The following TMBIM6 variants were observed in gnomAD, a reference collection of about 807,000 sequenced individuals.
TMBIM6 encodes the protein bax inhibitor 1.
A neutral mutation model predicts 31.4 loss-of-function variants in TMBIM6; 13 were observed. The ratio of observed to expected loss-of-function variants is 0.41; its 90% CI spans 0.27 to 0.66. The LOEUF (loss-of-function observed/expected upper bound fraction) is 0.66. Ranked by LOEUF, TMBIM6 falls within the 30% of genes least tolerant of loss-of-function variation. The probability of loss-of-function intolerance (pLI) is 0.28; values close to 1 mark genes in which losing one functional copy is unlikely to be tolerated. For missense variants in TMBIM6, 275 were observed against 289.5 expected, an observed-to-expected ratio of 0.95 and a Z score of 0.36; for synonymous variants, 85 against 101.7, an observed-to-expected ratio of 0.84 and a Z score of 0.99.
chr12:49,762,826 A>G (rs1945745359), intron 9 of TMBIM6, 47 bp from the exon 10 acceptor site: 2 of 1,590,618 alleles, frequency 1.3e-6, no homozygotes, highest in Non-Finnish European at 1.7e-6. Context: ...TTTAGCTTGA[A>G]TGTCAAATGT....
In TMBIM6 at chr12:49,758,207, C is replaced by T; in HGVS notation, c.287-20C>T. ...CAAGAATTGATCGTAATACTGTGTT[C>T]TGGGTTTTCTGTTTTCTAGGAGTTG... On this transcript the variant is annotated intron_variant, in intron 4 of 9. Transcript: ENST00000267115. The T allele has an allele frequency of 6.2e-7, 1 of 1,614,052 alleles. No homozygotes were observed. The highest frequency in any genetic ancestry group is 8.5e-7 in the Non-Finnish European group (1 of 1,179,972).
chr12:49,742,448 CGGTG>C (rs1945314909), intron 1 of TMBIM6: 1 of 939,670 alleles, frequency 1.1e-6, no homozygotes, highest in Non-Finnish European at 1.5e-6. Flanking sequence ...AATTACTACC[CGGTG>C]CCAGCCCGGG....
intron 8 of TMBIM6, among the ~76,000 whole-genome samples, chr12:49,760,552 T>TC (rs1945697786): frequency 6.7e-6 from 1 of 148,758 alleles, no homozygotes; most frequent in Admixed American, 6.7e-5. Context: ...TTTTTTTTTT[T>TC]TTTTGAGACA....
intron 9 of TMBIM6, 101 bp downstream of exon 9, chr12:49,761,880 TC>T: frequency 8.7e-7 from 1 of 1,152,818 alleles, no homozygotes; most frequent in Non-Finnish European, 1.3e-6. Context: ...CTGTGTTAGG[TC>T]CAGGGTAACT....
At chr12:49,748,660 C>T (rs1945439555) in intron 1 of TMBIM6, among the ~76,000 whole-genome samples, 1 of 152,222 alleles carries the variant, frequency 6.6e-6, no homozygotes, top group South Asian at 2.1e-4. Context: ...TTATGATTAA[C>T]ACCTGAACAT....
intron 8 of TMBIM6, among the ~76,000 whole-genome samples, chr12:49,761,134 C>T (rs1273173273): frequency 6.6e-6 from 1 of 152,046 alleles, no homozygotes; most frequent in Non-Finnish European, 1.5e-5. Flanking sequence ...CTGTGCTCGG[C>T]ACTTTTTTTT....
In TMBIM6 at chr12:49,758,048, C is replaced by A. The variant is rs982418627; in HGVS notation, c.287-179C>A. Among the ~76,000 whole-genome samples the A allele has an allele frequency of 1.4e-4, 21 of 148,802 alleles. 1 individual carries two copies. In the South Asian group the frequency reaches 3.2e-3, roughly 23 times the overall value. ...GCTATTTCTATAAAAAAAAAAAAAA[C>A]AACGCAGTCAGGTATACATTTTATT... On this transcript the variant is annotated intron_variant, in intron 4 of 9. Coordinates refer to ENST00000267115, the MANE Select transcript of TMBIM6 (RefSeq NM_003217.3).
intron 8 of TMBIM6, among the ~76,000 whole-genome samples, 193 bp from the exon 9 acceptor site, chr12:49,761,511 C>G (rs916297760): frequency 6.6e-6 from 1 of 151,582 alleles, no homozygotes; most frequent in African/African-American, 2.4e-5. Context: ...GGCCCAGTCT[C>G]TTTTCTCTAT....
chr12:49,744,906 A>G (rs1945361868), intron 1 of TMBIM6, among the ~76,000 whole-genome samples: 1 of 152,308 alleles, frequency 6.6e-6, no homozygotes, highest in African/African-American at 2.4e-5. Context: ...GTATCTGTCA[A>G]ACGTTATAGA....
chr12:49,763,144 C>G lies in TMBIM6; in HGVS notation c.*248C>G, dbSNP rs375526408. 382 of 386,992 alleles carry G rather than the reference C, an allele frequency of 9.9e-4. 1 individual carries two copies. Among genetic ancestry groups the G allele is most frequent in the African/African-American group, 7.1e-3 (356 of 49,968 alleles). The allele number at this position is 386,992 out of a possible 1,614,324, so 24.0% of individuals were successfully genotyped here. A position where few individuals can be genotyped will look rare whatever the true frequency, so the allele number is the denominator to read the frequency against. Reference sequence around the variant, plus strand: ...TTGTCAACCCCATCTGTAGCCTCTTCCTCTACTCAGGCAGTCGACCCGCCA... The same window carrying G: ...TTGTCAACCCCATCTGTAGCCTCTTGCTCTACTCAGGCAGTCGACCCGCCA... On this transcript the variant is annotated 3_prime_UTR_variant, in exon 10 of 10. Coordinates refer to ENST00000267115, the MANE Select transcript of TMBIM6 (RefSeq NM_003217.3).
chr12:49,745,316 G>T (rs73306891), intron 1 of TMBIM6, among the ~76,000 whole-genome samples: 3,204 of 152,282 alleles, frequency 0.021, 113 homozygotes, highest in African/African-American at 0.073. Flanking sequence ...GTATAAATGT[G>T]CTAGAAGAAA....
intron 7 of TMBIM6, 155 bp from the exon 8 acceptor site, chr12:49,759,066 T>C: frequency 1.5e-6 from 1 of 664,936 alleles, no homozygotes. Flanking sequence ...GGAAGTAAAG[T>C]GGTCTTCACC....
At position 49,744,256 on chromosome 12, in the gene TMBIM6, C is replaced by T. The variant is rs1276528060; in HGVS notation, c.-31+2645C>T. Among the ~76,000 whole-genome samples, 6 of 152,116 alleles carry T rather than the reference C, an allele frequency of 3.9e-5. No individual in the cohort carries two copies. In the East Asian group the frequency reaches 1.2e-3, roughly 29 times the overall value. On this transcript the variant is annotated intron_variant, in intron 1 of 9. Transcript: ENST00000267115. Reference sequence around the variant, plus strand: ...GTACTACTGCTGGCCTGACGAGTTTCATTTTATTTCGTAAACTGCCCAAGG... The same window carrying T: ...GTACTACTGCTGGCCTGACGAGTTTTATTTTATTTCGTAAACTGCCCAAGG...
At chr12:49,744,996 G>A (rs1051021279) in intron 1 of TMBIM6, among the ~76,000 whole-genome samples, 1 of 150,636 alleles carries the variant, frequency 6.6e-6, no homozygotes, top group Admixed American at 6.6e-5. Context: ...CCAGTTACTG[G>A]TTTGGTTTTG....
Position 49,759,299 on chromosome 12 carries a change from C to T in TMBIM6, c.592C>T (p.His198Tyr). Reference sequence around the variant, plus strand: ...TCAACTCATTATTGAAAAGGCCGAACATGGAGATCAAGATTATATCTGGTG... The same window carrying T: ...TCAACTCATTATTGAAAAGGCCGAATATGGAGATCAAGATTATATCTGGTG... Reference protein sequence around the residue: ...DTQLIIEKAEHGDQDYIWHCI... With the variant: ...DTQLIIEKAEYGDQDYIWHCI... The change falls in exon 8 of 10, where the codon CAT (histidine) becomes TAT (tyrosine). Residue 198 changes from histidine to tyrosine, a missense_variant. Physicochemically the swap from His to Tyr is moderately conservative, Grantham distance 83 (BLOSUM62 2). Transcript: ENST00000267115. 1.9e-6 allele frequency: 3 copies of T among 1,613,900 alleles called. No homozygotes were observed. Among genetic ancestry groups the T allele is most frequent in the Non-Finnish European group, 2.5e-6 (3 of 1,179,848 alleles).
chr12:49,758,507 TG>T (rs746431865), intron 6 of TMBIM6, 27 bp downstream of exon 6: 1 of 1,610,016 alleles, frequency 6.2e-7, no homozygotes, highest in Non-Finnish European at 8.5e-7. Context: ...AAACAGGGAA[TG>T]GGGGCTCCTT....
Position 49,758,298 on chromosome 12 carries a change from A to G in TMBIM6, c.335+23A>G, listed in dbSNP as rs75489714. 1.4e-3 allele frequency: 2,271 copies of G among 1,614,086 alleles called. 31 individuals carry two copies. In the African/African-American group the frequency reaches 0.026, roughly 18 times the overall value. On this transcript the variant is annotated intron_variant, in intron 5 of 9. Coordinates refer to ENST00000267115, the MANE Select transcript of TMBIM6 (RefSeq NM_003217.3). ...CAGGTAACTCTTTTGGTAGTGTCTT[A>G]TGTGCTTTTATCTTTATGAATATAC...
chr12:49,753,539 G>A (rs1230582974), intron 3 of TMBIM6, among the ~76,000 whole-genome samples: 1 of 152,192 alleles, frequency 6.6e-6, no homozygotes, highest in Non-Finnish European at 1.5e-5. Flanking sequence ...TCAACAATTT[G>A]TTTTCCTGTA....
intron 7 of TMBIM6, 21 bp from the exon 8 acceptor site, chr12:49,759,200 T>G (rs774941344): frequency 1.2e-6 from 2 of 1,607,492 alleles, no homozygotes; most frequent in Non-Finnish European, 1.7e-6. Flanking sequence ...GTATAGTAAC[T>G]TCATCTCTTA....
Sources: gnomAD v4.1 joint callset for allele counts (sites outside exome capture counted in the v4.1 genomes callset) on GRCh38, gnomAD v4.1.1 for gene constraint, MANE v1.5 for transcripts, NCBI Gene and HGNC (gene_info 2026-07-23, HGNC 2026-07-21) for gene names.